CTNNA3: variants seen among roughly 807,000 people sequenced by gnomAD.
The protein encoded by CTNNA3 is catenin alpha 3.
Under a neutral mutation model 95.7 loss-of-function variants are expected in CTNNA3, and 76 were observed. That is an observed-to-expected ratio of 0.79 (90% CI 0.66 to 0.96). The LOEUF (loss-of-function observed/expected upper bound fraction) is 0.96. CTNNA3 is among the 40% of genes least tolerant of loss of function. The probability of loss-of-function intolerance (pLI) is 0.00; values close to 1 mark genes in which losing one functional copy is unlikely to be tolerated. For synonymous variants in CTNNA3, 431 were observed against 374.4 expected (o/e 1.15, Z -1.74); for missense variants, 1,191 against 1,089.8 (o/e 1.09, Z -1.31).
At chr10:65,967,590 T>G (rs997814909) in intron 16 of CTNNA3, among the ~76,000 whole-genome samples, 1 of 152,196 alleles carries the variant, frequency 6.6e-6, no homozygotes, top group Non-Finnish European at 1.5e-5. Flanking sequence ...AGATAACAGC[T>G]GTGAATACAA....
intron 5 of CTNNA3, among the ~76,000 whole-genome samples, chr10:67,520,612 C>G (rs1839954306): frequency 6.6e-6 from 1 of 151,976 alleles, no homozygotes; most frequent in Non-Finnish European, 1.5e-5. Flanking sequence ...TTTAAAAAAA[C>G]AAAACTTAAA....
intron 7 of CTNNA3, among the ~76,000 whole-genome samples, chr10:66,889,790 C>CTTTT (rs71468807): frequency 5.3e-5 from 7 of 131,080 alleles, no homozygotes; most frequent in African/African-American, 1.9e-4. Flanking sequence ...AACCACAGAC[C>CTTTT]TTTTTTTTTT....
chr10:67,697,593 A>G (rs1234127555), upstream of CTNNA3, among the ~76,000 whole-genome samples: 1 of 152,238 alleles, frequency 6.6e-6, no homozygotes, highest in Non-Finnish European at 1.5e-5. Flanking sequence ...TTCAGAGGAT[A>G]TGTGAATTAA....
chr10:66,964,211 T>A (rs1255832084), intron 7 of CTNNA3, among the ~76,000 whole-genome samples: 1 of 151,990 alleles, frequency 6.6e-6, no homozygotes, highest in Non-Finnish European at 1.5e-5. Context: ...GCTTTGGGAT[T>A]CAGCACAACA....
At chr10:67,627,609 T>A (rs982313461) in intron 2 of CTNNA3, among the ~76,000 whole-genome samples, 3 of 152,162 alleles carry the variant, frequency 2.0e-5, no homozygotes, top group Non-Finnish European at 4.4e-5. Flanking sequence ...CTAAGTAAGT[T>A]AAAATACTAA....
intron 4 of CTNNA3, among the ~76,000 whole-genome samples, chr10:67,530,977 C>T (rs77041323): frequency 0.015 from 2,211 of 152,292 alleles, 28 homozygotes; most frequent in Non-Finnish European, 0.025. Context: ...TTGCCACCTT[C>T]CATGTGGTAT....
intron 1 of CTNNA3, among the ~76,000 whole-genome samples, chr10:67,676,525 A>G (rs1238314427): frequency 6.6e-6 from 1 of 152,182 alleles, no homozygotes; most frequent in Admixed American, 6.5e-5. Context: ...GGAATCCAGT[A>G]TCTCTCTTGT....
intron 7 of CTNNA3, among the ~76,000 whole-genome samples, chr10:66,881,407 T>C (rs1283632580): frequency 1.3e-5 from 2 of 152,132 alleles, no homozygotes; most frequent in African/African-American, 4.8e-5. Context: ...TGTAGCTGAA[T>C]ACCCTGTGTG....
chr10:67,078,837 A>T (rs985537749), intron 7 of CTNNA3, among the ~76,000 whole-genome samples: 2 of 152,170 alleles, frequency 1.3e-5, no homozygotes, highest in African/African-American at 4.8e-5. Context: ...TCTTAACATC[A>T]CAATTCTCAA....
intron 10 of CTNNA3, among the ~76,000 whole-genome samples, chr10:66,583,109 TAA>T (rs148142893): frequency 0.026 from 4,009 of 151,868 alleles, 86 homozygotes; most frequent in South Asian, 0.056. Flanking sequence ...TCTTTTTTGT[TAA>T]GTCTTTCCTT....
chr10:66,453,223 GA>G lies in CTNNA3; in HGVS notation c.1531+67393del, dbSNP rs567411067. On this transcript the variant is annotated intron_variant, in intron 11 of 17. Coordinates refer to ENST00000433211, the MANE Select transcript of CTNNA3 (RefSeq NM_013266.4). ...CAGAAGGAGACTCTGTCTCAAAAAA[GA>G]AAAAAAAAAAAACTGAGCCTCCAAA... is the stretch of plus-strand genomic sequence containing the variant. Among the ~76,000 whole-genome samples, 1,207 of 136,360 alleles carry G rather than the reference GA, an allele frequency of 8.9e-3. 9 individuals carry two copies. Among genetic ancestry groups the G allele is most frequent in the Non-Finnish European group, 0.014 (861 of 61,838 alleles). The allele number at this position is 136,360 out of a possible 152,430, so 89.5% of individuals were successfully genotyped here. A position where few individuals can be genotyped will look rare whatever the true frequency, so the allele number is the denominator to read the frequency against.
chr10:66,461,453 T>G (rs181712747), intron 11 of CTNNA3, among the ~76,000 whole-genome samples: 7 of 152,190 alleles, frequency 4.6e-5, no homozygotes, highest in Admixed American at 3.3e-4. Flanking sequence ...AGTATGTTTC[T>G]GAGTGATTAG....
At chr10:67,155,042 ATTTC>A (rs1861245884) in intron 7 of CTNNA3, among the ~76,000 whole-genome samples, 1 of 152,072 alleles carries the variant, frequency 6.6e-6, no homozygotes, top group Non-Finnish European at 1.5e-5. Context: ...CACCCTGTAT[ATTTC>A]TTTCATTTCT....
chr10:67,373,553 T>C (rs1384990545), intron 5 of CTNNA3, among the ~76,000 whole-genome samples: 1 of 152,088 alleles, frequency 6.6e-6, no homozygotes, highest in Admixed American at 6.5e-5. Flanking sequence ...ACTGTCAACA[T>C]TAGACAGATC....
At chr10:67,122,551 T>C (rs1342952335) in intron 7 of CTNNA3, among the ~76,000 whole-genome samples, 2 of 152,216 alleles carry the variant, frequency 1.3e-5, no homozygotes, top group East Asian at 3.9e-4. Context: ...TTTTAAAACA[T>C]ACAATTTGGT....
intron 9 of CTNNA3, among the ~76,000 whole-genome samples, chr10:66,627,787 C>T (rs1844991082): frequency 6.6e-6 from 1 of 152,112 alleles, no homozygotes; most frequent in African/African-American, 2.4e-5. Flanking sequence ...TCTAATTCTT[C>T]AATGTCTATT....
intron 3 of CTNNA3, among the ~76,000 whole-genome samples, chr10:67,601,525 T>C (rs1052531896): frequency 2.0e-5 from 3 of 152,114 alleles, no homozygotes; most frequent in Non-Finnish European, 4.4e-5. Flanking sequence ...CATGGACCAG[T>C]ACCGGTCCAC....
intron 7 of CTNNA3, among the ~76,000 whole-genome samples, chr10:66,878,755 G>A (rs975204099): frequency 2.0e-5 from 3 of 152,054 alleles, no homozygotes; most frequent in African/African-American, 4.8e-5. Context: ...AGTAGAGGTG[G>A]CTTTTTCATA....
chr10:66,022,150 G>A (rs2079232525), intron 15 of CTNNA3, among the ~76,000 whole-genome samples: 1 of 152,000 alleles, frequency 6.6e-6, no homozygotes, highest in Non-Finnish European at 1.5e-5. Context: ...GAGCCACCAT[G>A]CCCAGCCTCG....
Sources: gnomAD v4.1 joint callset for allele counts (sites outside exome capture counted in the v4.1 genomes callset) on GRCh38, gnomAD v4.1.1 for gene constraint, MANE v1.5 for transcripts, NCBI Gene and HGNC (gene_info 2026-07-23, HGNC 2026-07-21) for gene names.